KIAA0319: variants seen among roughly 807,000 people sequenced by gnomAD.
The protein encoded by KIAA0319 is KIAA0319.
KIAA0319 carries 83 observed loss-of-function variants against 108.4 expected under a neutral mutation model. The ratio of observed to expected loss-of-function variants is 0.77; its 90% confidence interval spans 0.64 to 0.92. The LOEUF (loss-of-function observed/expected upper bound fraction) is 0.92. KIAA0319 is among the 40% of genes least tolerant of loss of function. The pLI is 0.00. For missense variants in KIAA0319, 1,195 were observed against 1,322.4 expected (o/e 0.90, Z 1.49); for synonymous variants, 484 against 510.4 (o/e 0.95, Z 0.70).
intron 1 of KIAA0319, among the ~76,000 whole-genome samples, chr6:24,603,832 A>T (rs1419286317): frequency 6.6e-6 from 1 of 152,194 alleles, no homozygotes; most frequent in Non-Finnish European, 1.5e-5. Context: ...TTTGAGTTTA[A>T]TCGAGAACCA....
In KIAA0319 at chr6:24,572,788, CA is replaced by C; in HGVS notation, c.1735-91del. 2.4e-6 allele frequency: 3 copies of C among 1,231,044 alleles called. No homozygotes were observed. The South Asian group carries it at 4.8e-5, about 20-fold the overall frequency. The allele number at this position is 1,231,044 out of a possible 1,614,324, so 76.3% of individuals were successfully genotyped here. ...ATAGTATGACAGAATGAAAAACTAA[CA>C]ATTTTACTTAATACAGAGATCTTGC... On this transcript the variant is annotated intron_variant, in intron 10 of 20. Coordinates refer to ENST00000378214, the MANE Select transcript of KIAA0319 (RefSeq NM_014809.4).
chr6:24,567,130 A>G (rs980688265), intron 13 of KIAA0319, among the ~76,000 whole-genome samples: 5 of 152,092 alleles, frequency 3.3e-5, no homozygotes, highest in African/African-American at 1.2e-4. Flanking sequence ...GGTCCACACT[A>G]TCTGGCCAGA....
chr6:24,554,612 C>G lies in KIAA0319; in HGVS notation c.2877G>C (p.Val959=), dbSNP rs1420522439. ...ESNCEWSIFY[V]TVLAFTLIVL... ...CAATAAGAGTAAAAGCCAACACTGT[C>G]ACATAGAATATACTCCACTCTGAAA... Residue 959 remains valine, a synonymous_variant, in exon 19 of 21, where the codon GTG becomes GTC. Transcript: ENST00000378214. 3.1e-6 allele frequency: 5 copies of G among 1,613,530 alleles called. No homozygotes were observed. Among genetic ancestry groups the G allele is most frequent in the Non-Finnish European group, 4.2e-6 (5 of 1,179,612 alleles).
intron 15 of KIAA0319, 137 bp from the exon 16 acceptor site, chr6:24,563,655 C>A (rs1353521636): frequency 1.5e-6 from 1 of 680,676 alleles, no homozygotes; most frequent in Non-Finnish European, 2.3e-6. Context: ...CAGGTAAATT[C>A]TTCTAAACAC....
At chr6:24,631,158 T>A (rs976402550) in intron 1 of KIAA0319, among the ~76,000 whole-genome samples, 3 of 152,240 alleles carry the variant, frequency 2.0e-5, no homozygotes, top group African/African-American at 7.2e-5. Context: ...CTAGTTCAAT[T>A]TAGCCAGTGG....
At chr6:24,575,240 T>C (rs1471854617) in intron 10 of KIAA0319, among the ~76,000 whole-genome samples, 2 of 152,216 alleles carry the variant, frequency 1.3e-5, no homozygotes, top group African/African-American at 4.8e-5. Flanking sequence ...TGGGCTGGTG[T>C]GTAGAGGCAA....
At chr6:24,613,475 A>G (rs929969224) in intron 1 of KIAA0319, among the ~76,000 whole-genome samples, 1 of 152,122 alleles carries the variant, frequency 6.6e-6, no homozygotes, top group Non-Finnish European at 1.5e-5. Context: ...CAGCTCATGT[A>G]TTTCTCTCCC....
chr6:24,547,132 AG>A lies in KIAA0319; in HGVS notation c.*32del. 1 of 1,609,830 alleles carries A rather than the reference AG, an allele frequency of 6.2e-7. No homozygotes were observed. The highest frequency in any genetic ancestry group is 8.5e-7 in the Non-Finnish European group (1 of 1,176,618). On this transcript the variant is annotated 3_prime_UTR_variant, in exon 21 of 21. Transcript: ENST00000378214. ...CTCCCACTGACTGGTCTTGGATTCA[AG>A]GGGTCCTTCCACTTTACAATGAACT...
intron 12 of KIAA0319, 29 bp downstream of exon 12, chr6:24,569,874 G>C (rs1764433619): frequency 6.2e-7 from 1 of 1,611,806 alleles, no homozygotes; most frequent in African/African-American, 1.3e-5. Context: ...GCATGGGCAT[G>C]AACCTAGCTC....
chr6:24,575,861 A>G (rs1765415694), intron 10 of KIAA0319, among the ~76,000 whole-genome samples: 1 of 152,156 alleles, frequency 6.6e-6, no homozygotes. Context: ...CAAACAGCTC[A>G]CACACACAAC....
intron 1 of KIAA0319, among the ~76,000 whole-genome samples, chr6:24,633,347 T>C (rs1006264596): frequency 2.0e-5 from 3 of 152,106 alleles, no homozygotes; most frequent in Non-Finnish European, 4.4e-5. Context: ...AACATAATCA[T>C]AAAACTGTAC....
At chr6:24,565,034 T>A (rs1391201933) in intron 14 of KIAA0319, among the ~76,000 whole-genome samples, 1 of 151,938 alleles carries the variant, frequency 6.6e-6, no homozygotes, top group Non-Finnish European at 1.5e-5. Flanking sequence ...GATCACGAGG[T>A]CAGGAGATCG....
At chr6:24,622,319 T>TAAAAAAAA (rs5874995) in intron 1 of KIAA0319, among the ~76,000 whole-genome samples, 13 of 114,442 alleles carry the variant, frequency 1.1e-4, no homozygotes, top group Non-Finnish European at 1.6e-4. Flanking sequence ...TTTGAGAAAT[T>TAAAAAAAA]AAAAAAAAAA....
rs139889922 is a variant in KIAA0319 at position 24,623,796 on chromosome 6, A to G, written c.-106+21940T>C. On this transcript the variant is annotated intron_variant, in intron 1 of 20. Transcript: ENST00000378214. ...AGAGAAGATCTGGAATGTTCCCAAC[A>G]TAAAGAAATGATAAATATTTGAGGT... 2.6e-3 allele frequency among the ~76,000 whole-genome samples: 402 copies of G among 152,340 alleles called. 2 individuals carry two copies. Among genetic ancestry groups the G allele is most frequent in the African/African-American group, 8.3e-3 (345 of 41,588 alleles).
chr6:24,601,115 C>A lies in KIAA0319; in HGVS notation c.-12G>T. The stretch of plus-strand genomic sequence containing the variant: ...GTGGGGGGCGCCATTGTGCACCACA[C>A]AGTGGGTGATGGCAGGCTTCTGAGG... On this transcript the variant is annotated 5_prime_UTR_variant, in exon 2 of 21. Coordinates refer to ENST00000378214, the MANE Select transcript of KIAA0319 (RefSeq NM_014809.4). The A allele has an allele frequency of 6.2e-7, 1 of 1,614,014 alleles. No individual in the cohort carries two copies. The highest frequency in any genetic ancestry group is 8.5e-7 in the Non-Finnish European group (1 of 1,179,964).
intron 5 of KIAA0319, among the ~76,000 whole-genome samples, 174 bp from the exon 6 acceptor site, chr6:24,582,520 T>TA (rs1766737248): frequency 1.3e-5 from 2 of 151,704 alleles, no homozygotes; most frequent in Admixed American, 1.3e-4. Flanking sequence ...TATTTGTTTT[T>TA]ATCCCCTCAC....
At chr6:24,561,668 G>C (rs918828487) in intron 16 of KIAA0319, among the ~76,000 whole-genome samples, 2 of 151,864 alleles carry the variant, frequency 1.3e-5, no homozygotes, top group African/African-American at 4.8e-5. Flanking sequence ...TCAGCCTCCT[G>C]GGTAGCTGAG....
Position 24,576,607 on chromosome 6 carries a change from GAGA to G in KIAA0319, c.1506-14_1506-12del, listed in dbSNP as rs1561974663. On this transcript the variant is annotated splice_polypyrimidine_tract_variant and intron_variant, in intron 9 of 20. Coordinates refer to ENST00000378214, the MANE Select transcript of KIAA0319 (RefSeq NM_014809.4). Reference sequence around the variant, plus strand: ...TCTGTAACAGTCAACCTACAAAAAGGAGAAGAAGCCGTAGTTGGAAGAATATGC... The same window carrying G: ...TCTGTAACAGTCAACCTACAAAAAGGAGAAGCCGTAGTTGGAAGAATATGC... 4 of 1,607,190 alleles carry G rather than the reference GAGA, an allele frequency of 2.5e-6. No individual in the cohort carries two copies. Among genetic ancestry groups the G allele is most frequent in the South Asian group, 1.1e-5 (1 of 90,948 alleles).
At chr6:24,604,434 T>A (rs1363697924) in intron 1 of KIAA0319, among the ~76,000 whole-genome samples, 1 of 152,220 alleles carries the variant, frequency 6.6e-6, no homozygotes, top group Non-Finnish European at 1.5e-5. Flanking sequence ...GGATACAGAT[T>A]GGGCCTCCAC....
Sources: gnomAD v4.1 joint callset for allele counts (sites outside exome capture counted in the v4.1 genomes callset) on GRCh38, gnomAD v4.1.1 for gene constraint, MANE v1.5 for transcripts, NCBI Gene and HGNC (gene_info 2026-07-23, HGNC 2026-07-21) for gene names.